The following ENPP6 variants were observed in gnomAD, a reference collection of about 807,000 sequenced individuals.
The protein encoded by ENPP6 is ectonucleotide pyrophosphatase/phosphodiesterase 6.
ENPP6 carries 32 observed loss-of-function variants against 42.0 expected under a neutral mutation model. The observed-to-expected ratio is 0.76, with a 90% CI of 0.58 to 1.02. The LOEUF is 1.02. Ranked by LOEUF, ENPP6 falls within the 50% of genes least tolerant of loss-of-function variation. The probability of loss-of-function intolerance (pLI) is 0.00; values close to 1 mark genes in which losing one functional copy is unlikely to be tolerated. For synonymous variants in ENPP6, 213 were observed against 216.0 expected (o/e 0.99, Z 0.12); for missense variants, 552 against 566.8 (o/e 0.97, Z 0.27).
intron 1 of ENPP6, among the ~76,000 whole-genome samples, chr4:184,207,499 C>G (rs771454505): frequency 6.6e-6 from 1 of 152,180 alleles, no homozygotes; most frequent in Non-Finnish European, 1.5e-5. Flanking sequence ...AAAAGATCCA[C>G]GGTAAGATAC....
chr4:184,143,554 C>G (rs1264308530), intron 2 of ENPP6, among the ~76,000 whole-genome samples: 1 of 152,228 alleles, frequency 6.6e-6, no homozygotes, highest in Non-Finnish European at 1.5e-5. Context: ...TGTCCTCCTC[C>G]CCTTCTCCAT....
In ENPP6 at chr4:184,131,245, T is replaced by C. The variant is rs1210340908; in HGVS notation, c.422-6973A>G. Among the ~76,000 whole-genome samples the C allele has an allele frequency of 1.1e-3, 97 of 85,228 alleles. 4 individuals carry two copies. Among genetic ancestry groups the C allele is most frequent in the Admixed American group, 3.9e-3 (37 of 9,478 alleles). 55.9% of individuals were successfully genotyped at this position (85,228 alleles called of 152,430 possible). A position where few individuals can be genotyped will look rare whatever the true frequency, so the allele number is the denominator to read the frequency against. On this transcript the variant is annotated intron_variant, in intron 2 of 7. Coordinates refer to ENST00000296741, the MANE Select transcript of ENPP6 (RefSeq NM_153343.4). ...TTCTTTCTTTCTTTCCTTTTCTTTC[T>C]TTCTTTCTCTTTCTCTTCCTTCCTT...
At chr4:184,148,162 C>T (rs548652608) in intron 2 of ENPP6, among the ~76,000 whole-genome samples, 1 of 152,204 alleles carries the variant, frequency 6.6e-6, no homozygotes, top group Admixed American at 6.5e-5. Context: ...ATGGTAAGTT[C>T]TCGGGAGGGG....
chr4:184,200,668 C>T (rs763293629), intron 1 of ENPP6, among the ~76,000 whole-genome samples: 1 of 152,218 alleles, frequency 6.6e-6, no homozygotes, highest in Non-Finnish European at 1.5e-5. Flanking sequence ...GGCTCCTCTG[C>T]CCCCTTTCCC....
chr4:184,091,189 G>A lies in ENPP6; in HGVS notation c.1311C>T (p.Phe437=), dbSNP rs760466381. The A allele has an allele frequency of 1.3e-6, 2 of 1,560,790 alleles. No homozygotes were observed. The highest frequency in any genetic ancestry group is 2.0e-5 in the Admixed American group (1 of 50,972). The change falls in exon 8 of 8, where the codon TTC becomes TTT. Residue 437 remains phenylalanine, a synonymous_variant. Transcript: ENST00000296741. The stretch of plus-strand genomic sequence containing the variant: ...GCAATATGATCAGTTATGCAAGCAG[G>A]AAGAGAAGAATCAGTGCCAGGGCAC... ...SHCALALILL[F]LLA
intron 7 of ENPP6, among the ~76,000 whole-genome samples, chr4:184,092,243 G>A (rs188358331): frequency 5.9e-5 from 9 of 152,254 alleles, no homozygotes; most frequent in Admixed American, 5.2e-4. Context: ...CTCGGTGCTC[G>A]CTAGCTCAGC....
intron 6 of ENPP6, among the ~76,000 whole-genome samples, chr4:184,100,854 C>T (rs201813847): frequency 1.3e-5 from 2 of 152,338 alleles, no homozygotes; most frequent in South Asian, 2.1e-4. Context: ...GCTCTGGATT[C>T]GTGCCAGGAA....
rs1004323722 is a variant in ENPP6, at chr4:184,089,091, T to C, written c.*2086A>G. 6.6e-6 allele frequency: 1 copy of C among 152,184 alleles called. No homozygotes were observed. Among genetic ancestry groups the C allele is most frequent in the African/African-American group, 2.4e-5 (1 of 41,462 alleles). The allele number at this position is 152,184 out of a possible 1,614,324, so 9.4% of individuals were successfully genotyped here. A position where few individuals can be genotyped will look rare whatever the true frequency, so the allele number is the denominator to read the frequency against. On this transcript the variant is annotated 3_prime_UTR_variant, in exon 8 of 8. Coordinates refer to ENST00000296741, the MANE Select transcript of ENPP6 (RefSeq NM_153343.4). ...TTAAGGAGAAAGAAACTTTGAACAA[T>C]AGACGTCTTTTTCAACAACTACTGC...
Position 184,089,178 on chromosome 4 carries a change from T to C in ENPP6, c.*1999A>G, listed in dbSNP as rs1258473895. On this transcript the variant is annotated 3_prime_UTR_variant, in exon 8 of 8. Coordinates refer to ENST00000296741, the MANE Select transcript of ENPP6 (RefSeq NM_153343.4). ...TAACAAAGGCTGAAGAGTTGCCTTC[T>C]TTCCAATTGATCCGATGGTTTACTG... is the stretch of plus-strand genomic sequence containing the variant. 6.6e-6 allele frequency: 1 copy of C among 152,238 alleles called. No homozygotes were observed. The highest frequency in any genetic ancestry group is 2.4e-5 in the African/African-American group (1 of 41,466). 9.4% of individuals were successfully genotyped at this position (152,238 alleles called of 1,614,324 possible).
In ENPP6 at chr4:184,194,032, T is replaced by C. The variant is rs117627470; in HGVS notation, c.241+23547A>G. ...CCACGGTCCCTGATAGCTCTTTGCC[T>C]CTTCCTTGTCTCCTTTGATACCTCT... On this transcript the variant is annotated intron_variant, in intron 1 of 7. Transcript: ENST00000296741. Among the ~76,000 whole-genome samples the C allele has an allele frequency of 6.6e-5, 10 of 152,340 alleles. No homozygotes were observed. The East Asian group carries it at 1.9e-3, about 29-fold the overall frequency.
chr4:184,187,754 A>G (rs549412103), intron 1 of ENPP6, among the ~76,000 whole-genome samples: 1 of 152,240 alleles, frequency 6.6e-6, no homozygotes, highest in South Asian at 2.1e-4. Flanking sequence ...CAAGAATGTA[A>G]ATTTCAGGAG....
chr4:184,171,070 A>T (rs1365505583), intron 1 of ENPP6, among the ~76,000 whole-genome samples: 1 of 152,248 alleles, frequency 6.6e-6, no homozygotes, highest in African/African-American at 2.4e-5. Context: ...GGCTTAAACA[A>T]TAGTCATGTA....
chr4:184,092,107 T>C (rs1735814838), intron 7 of ENPP6, among the ~76,000 whole-genome samples: 1 of 152,140 alleles, frequency 6.6e-6, no homozygotes, highest in Non-Finnish European at 1.5e-5. Flanking sequence ...AACATCTATC[T>C]AGCCCGGACC....
At chr4:184,146,023 CTT>C (rs70959175) in intron 2 of ENPP6, among the ~76,000 whole-genome samples, 19 of 141,938 alleles carry the variant, frequency 1.3e-4, no homozygotes, top group Admixed American at 2.1e-4. Flanking sequence ...TTTTCTTTTT[CTT>C]TTTTTTTTTT....
rs558547639 is a variant in ENPP6, at chr4:184,109,449, G to T, written c.993+3223C>A. 1.8e-4 allele frequency among the ~76,000 whole-genome samples: 28 copies of T among 152,162 alleles called. No homozygotes were observed. The South Asian group carries it at 5.6e-3, about 30-fold the overall frequency. Reference sequence around the variant, plus strand: ...TTTCTATGCATGTCATTGAAGCTTTGGGGGAGGGGTCATTCTAGAGCTGCT... The same window carrying T: ...TTTCTATGCATGTCATTGAAGCTTTTGGGGAGGGGTCATTCTAGAGCTGCT... On this transcript the variant is annotated intron_variant, in intron 6 of 7. Coordinates refer to ENST00000296741, the MANE Select transcript of ENPP6 (RefSeq NM_153343.4).
In ENPP6 at chr4:184,100,466, C is replaced by T. The variant is rs1203039605; in HGVS notation, c.994-3098G>A. On this transcript the variant is annotated intron_variant, in intron 6 of 7. Transcript: ENST00000296741. ...CAGCCACTGCGGGGCCCAGGGACTGCCACACAGCGCCACCTAGTGACATCC... is the reference window on the plus strand; with the variant it reads ...CAGCCACTGCGGGGCCCAGGGACTGTCACACAGCGCCACCTAGTGACATCC... 2.6e-5 allele frequency among the ~76,000 whole-genome samples: 4 copies of T among 152,292 alleles called. No homozygotes were observed. The East Asian group carries it at 7.7e-4, about 29-fold the overall frequency.
intron 1 of ENPP6, among the ~76,000 whole-genome samples, chr4:184,189,910 T>G (rs1342130187): frequency 1.3e-5 from 2 of 152,202 alleles, no homozygotes; most frequent in Non-Finnish European, 2.9e-5. Context: ...GGAACTCGTG[T>G]GAGGAGACAA....
rs187152745 is a variant in ENPP6 at position 184,198,720 on chromosome 4, G to A, written c.241+18859C>T. 3.9e-5 allele frequency among the ~76,000 whole-genome samples: 6 copies of A among 152,338 alleles called. No homozygotes were observed. In the East Asian group the frequency reaches 1.2e-3, roughly 29 times the overall value. On this transcript the variant is annotated intron_variant, in intron 1 of 7. Transcript: ENST00000296741. ...GGATTTAATCAATATTGAACAAAAT[G>A]TCTGCTTGTTCTACTAGAGTTGAGC...
intron 5 of ENPP6, among the ~76,000 whole-genome samples, chr4:184,115,944 G>C (rs1050230434): frequency 6.6e-6 from 1 of 152,152 alleles, no homozygotes; most frequent in African/African-American, 2.4e-5. Flanking sequence ...GGCCGGGCAC[G>C]GTGGTTCACG....
Sources: gnomAD v4.1 joint callset for allele counts (sites outside exome capture counted in the v4.1 genomes callset) on GRCh38, gnomAD v4.1.1 for gene constraint, MANE v1.5 for transcripts, NCBI Gene and HGNC (gene_info 2026-07-23, HGNC 2026-07-21) for gene names.